Variants in CCDC85A observed in about 807,000 individuals in gnomAD.
CCDC85A encodes the protein coiled-coil domain containing 85A.
CCDC85A carries 38 observed loss-of-function variants against 50.2 expected under a neutral mutation model. That is an observed-to-expected ratio of 0.76 (90% CI 0.58 to 0.99). The LOEUF (loss-of-function observed/expected upper bound fraction) is 0.99, where lower values mean the gene tolerates loss of function less well. Ranked by LOEUF, CCDC85A falls within the 50% of genes least tolerant of loss-of-function variation. The pLI, the probability that CCDC85A is intolerant of heterozygous loss-of-function variation, is 0.00. For synonymous variants in CCDC85A, 366 were observed against 301.4 expected, an observed-to-expected ratio of 1.21 and a Z score of -2.22; for missense variants, 820 against 742.0, an observed-to-expected ratio of 1.11 and a Z score of -1.22.
intron 2 of CCDC85A, among the ~76,000 whole-genome samples, chr2:56,208,572 T>A (rs147122302): frequency 2.2e-3 from 332 of 152,238 alleles, no homozygotes; most frequent in Non-Finnish European, 3.9e-3. Flanking sequence ...TGGGATAATT[T>A]ATTGGGCACA....
intron 2 of CCDC85A, among the ~76,000 whole-genome samples, chr2:56,290,995 GA>G (rs1350301981): frequency 6.6e-6 from 1 of 152,212 alleles, no homozygotes; most frequent in African/African-American, 2.4e-5. Context: ...GTGTTTTGCA[GA>G]TTCATTTGAC....
intron 2 of CCDC85A, among the ~76,000 whole-genome samples, chr2:56,305,845 C>T (rs1484353525): frequency 6.6e-6 from 1 of 152,186 alleles, no homozygotes; most frequent in Non-Finnish European, 1.5e-5. Flanking sequence ...ATCAGCATTG[C>T]TGATTTAATA....
chr2:56,358,474 G>T (rs1002227092), intron 3 of CCDC85A, among the ~76,000 whole-genome samples: 4 of 152,184 alleles, frequency 2.6e-5, no homozygotes, highest in African/African-American at 9.7e-5. Context: ...AATCTGCAGT[G>T]ACTTCTTTAT....
intron 2 of CCDC85A, among the ~76,000 whole-genome samples, chr2:56,235,845 C>A (rs973997494): frequency 2.0e-5 from 3 of 152,092 alleles, no homozygotes; most frequent in African/African-American, 7.2e-5. Flanking sequence ...AGTGTGAGGT[C>A]TTTTCTGGCT....
rs3032186 is a variant in CCDC85A, at chr2:56,253,019, A to AAAATAAAT, written c.1240+59598_1240+59605dup. ...GGGTGACAAAGCAAGACTCCATCTCAAAATAAATAAATAAATAAATAAATA... is the reference window on the plus strand; with the variant it reads ...GGGTGACAAAGCAAGACTCCATCTCAAAATAAATAAATAAATAAATAAATAAATAAATA... On this transcript the variant is annotated intron_variant, in intron 2 of 5. Transcript: ENST00000407595. Among the ~76,000 whole-genome samples the AAAATAAAT allele has an allele frequency of 4.7e-3, 714 of 150,354 alleles. 4 individuals are homozygous for AAAATAAAT. The highest frequency in any genetic ancestry group is 0.012 in the African/African-American group (504 of 41,024).
intron 2 of CCDC85A, among the ~76,000 whole-genome samples, chr2:56,200,757 C>G (rs1451204571): frequency 6.6e-6 from 1 of 152,090 alleles, no homozygotes; most frequent in African/African-American, 2.4e-5. Context: ...GGGTTATTCA[C>G]AGATGGCTGT....
intron 2 of CCDC85A, among the ~76,000 whole-genome samples, chr2:56,256,804 T>A (rs1670003063): frequency 6.6e-6 from 1 of 152,252 alleles, no homozygotes; most frequent in South Asian, 2.1e-4. Context: ...GTGAAAAGTC[T>A]GAACAGCCCT....
chr2:56,187,927 A>G (rs1293225841), intron 1 of CCDC85A, among the ~76,000 whole-genome samples: 1 of 152,218 alleles, frequency 6.6e-6, no homozygotes, highest in African/African-American at 2.4e-5. Flanking sequence ...TCTTCATTGC[A>G]TTAATTTCCC....
intron 2 of CCDC85A, among the ~76,000 whole-genome samples, chr2:56,251,753 A>G (rs549061646): frequency 1.3e-5 from 2 of 150,556 alleles, no homozygotes; most frequent in East Asian, 2.0e-4. Context: ...CTTGAGCATC[A>G]TGGGGCTTGG....
chr2:56,376,702 T>C (rs1676353455), intron 5 of CCDC85A, among the ~76,000 whole-genome samples: 1 of 152,236 alleles, frequency 6.6e-6, no homozygotes, highest in African/African-American at 2.4e-5. Context: ...AAAATCATCT[T>C]ACAAATTGAG....
At chr2:56,365,149 G>A (rs972507478) in intron 3 of CCDC85A, among the ~76,000 whole-genome samples, 2 of 152,140 alleles carry the variant, frequency 1.3e-5, no homozygotes, top group African/African-American at 4.8e-5. Flanking sequence ...TCCTGAACAT[G>A]TCAGCAGCCT....
intron 2 of CCDC85A, among the ~76,000 whole-genome samples, chr2:56,260,010 TA>T (rs1307894916): frequency 6.6e-6 from 1 of 152,168 alleles, no homozygotes; most frequent in Non-Finnish European, 1.5e-5. Flanking sequence ...CATATTTGAA[TA>T]GGGGGATTTA....
chr2:56,206,551 G>A lies in CCDC85A; in HGVS notation c.1240+13111G>A, dbSNP rs531263350. 1.3e-4 allele frequency among the ~76,000 whole-genome samples: 20 copies of A among 152,224 alleles called. No individual in the cohort carries two copies. The South Asian group carries it at 3.9e-3, about 30-fold the overall frequency. ...AGGGCACAAGACAGCAAGCAAGCAA[G>A]AGGGGGCCAAACTTGCTTTTATAAC... On this transcript the variant is annotated intron_variant, in intron 2 of 5. Coordinates refer to ENST00000407595, the MANE Select transcript of CCDC85A (RefSeq NM_001080433.2).
chr2:56,214,975 T>A (rs578127458), intron 2 of CCDC85A, among the ~76,000 whole-genome samples: 3 of 152,104 alleles, frequency 2.0e-5, no homozygotes, highest in African/African-American at 7.2e-5. Flanking sequence ...ATTGATACTT[T>A]AACAGTATTG....
In CCDC85A at chr2:56,211,167, A is replaced by G. The variant is rs539280239; in HGVS notation, c.1240+17727A>G. Among the ~76,000 whole-genome samples the G allele has an allele frequency of 3.3e-5, 5 of 152,184 alleles. No individual in the cohort carries two copies. The East Asian group carries it at 9.7e-4, about 30-fold the overall frequency. ...TTAGGGTTTGTTTTTGTCAGTGTTC[A>G]TAGGAGGGTAAATCTGAATGTTCCC... On this transcript the variant is annotated intron_variant, in intron 2 of 5. Transcript: ENST00000407595.
At chr2:56,310,355 C>T (rs1016842278) in intron 2 of CCDC85A, among the ~76,000 whole-genome samples, 3 of 152,164 alleles carry the variant, frequency 2.0e-5, no homozygotes, top group African/African-American at 7.2e-5. Flanking sequence ...AGCTCATATT[C>T]TTGCAGGAAT....
Position 56,364,650 on chromosome 2 carries a change from G to A in CCDC85A, c.1318-7694G>A, listed in dbSNP as rs112552894. Among the ~76,000 whole-genome samples, 825 of 152,080 alleles carry A rather than the reference G, an allele frequency of 5.4e-3. 4 individuals are homozygous for A. The highest frequency in any genetic ancestry group is 0.02 in the Middle Eastern group (6 of 294). ...AAGAGTTAGATCTATTACTTCCCCCGGTATTTTCTATGCTGGTTAATAGCA... is the reference window on the plus strand; with the variant it reads ...AAGAGTTAGATCTATTACTTCCCCCAGTATTTTCTATGCTGGTTAATAGCA... On this transcript the variant is annotated intron_variant, in intron 3 of 5. Transcript: ENST00000407595.
chr2:56,194,524 A>G (rs1471424681), intron 2 of CCDC85A, among the ~76,000 whole-genome samples: 1 of 152,230 alleles, frequency 6.6e-6, no homozygotes, highest in Non-Finnish European at 1.5e-5. Context: ...AGCTCCAAGC[A>G]GTAGTGGAGG....
chr2:56,285,458 T>A (rs1419662802), intron 2 of CCDC85A, among the ~76,000 whole-genome samples: 1 of 144,714 alleles, frequency 6.9e-6, no homozygotes, highest in African/African-American at 2.6e-5. Flanking sequence ...ATATAATTAA[T>A]TATATTATTA....
Sources: gnomAD v4.1 joint callset for allele counts (sites outside exome capture counted in the v4.1 genomes callset) on GRCh38, gnomAD v4.1.1 for gene constraint, MANE v1.5 for transcripts, NCBI Gene and HGNC (gene_info 2026-07-23, HGNC 2026-07-21) for gene names.